The following XIRP2 variants were observed in gnomAD, a reference collection of about 807,000 sequenced individuals.
XIRP2 encodes the protein xin actin binding repeat containing 2.
XIRP2 carries 236 observed loss-of-function variants against 277.0 expected under a neutral mutation model. That is an observed-to-expected ratio of 0.85 (90% CI 0.77 to 0.95). XIRP2 has a LOEUF of 0.95. XIRP2 is among the 40% of genes least tolerant of loss of function. The probability of loss-of-function intolerance (pLI) is 0.00; values close to 1 mark genes in which losing one functional copy is unlikely to be tolerated. For missense variants in XIRP2, 4,640 were observed against 4,157.5 expected (o/e 1.12, Z -3.19); for synonymous variants, 1,490 against 1,416.5 (o/e 1.05, Z -1.17).
chr2:166,892,863 T>C (rs1055691712), intron 1 of XIRP2, among the ~76,000 whole-genome samples: 1 of 148,804 alleles, frequency 6.7e-6, no homozygotes, highest in Admixed American at 6.8e-5. Context: ...GTTTTATATA[T>C]ATATGTATGT....
intron 2 of XIRP2, among the ~76,000 whole-genome samples, chr2:167,037,518 G>GGTGTGTGT (rs59857626): frequency 3.9e-4 from 49 of 126,458 alleles, no homozygotes; most frequent in South Asian, 7.1e-4. Context: ...TCATGTGGGG[G>GGTGTGTGT]GTGTGTGTGT....
intron 3 of XIRP2, chr2:167,184,696 A>C (rs990986155): frequency 3.0e-5 from 21 of 703,486 alleles, no homozygotes; most frequent in African/African-American, 2.9e-4. Flanking sequence ...TGGTTTGGCT[A>C]TCTCTGATGC....
At chr2:167,000,672 C>T (rs1185046977) in intron 2 of XIRP2, among the ~76,000 whole-genome samples, 1 of 152,050 alleles carries the variant, frequency 6.6e-6, no homozygotes, top group Non-Finnish European at 1.5e-5. Flanking sequence ...ATTCCTGCAT[C>T]CACTCCTTGT....
intron 3 of XIRP2, among the ~76,000 whole-genome samples, chr2:167,172,342 G>A (rs994313661): frequency 3.9e-5 from 6 of 152,284 alleles, no homozygotes; most frequent in African/African-American, 1.4e-4. Context: ...CAGGACCGGG[G>A]CAAAATTAAA....
intron 5 of XIRP2, 134 bp from the exon 6 acceptor site, chr2:167,239,721 T>A (rs760389005): frequency 4.2e-6 from 3 of 720,714 alleles, no homozygotes; most frequent in Non-Finnish European, 6.9e-6. Flanking sequence ...GGTAATTTGT[T>A]ATAGCAGCCA....
In XIRP2 at chr2:167,038,943, C is replaced by G. The variant is rs184438634; in HGVS notation, c.409-96966C>G. ...AAAAAAATCTACTAATTTGTGTGAT[C>G]AAATTTCTATTCATAACTGACAAGC... On this transcript the variant is annotated intron_variant, in intron 2 of 10. Coordinates refer to ENST00000409195, the MANE Select transcript of XIRP2 (RefSeq NM_152381.6). Among the ~76,000 whole-genome samples the G allele has an allele frequency of 2.6e-5, 4 of 152,116 alleles. No homozygotes were observed. In the East Asian group the frequency reaches 5.8e-4, roughly 22 times the overall value.
intron 2 of XIRP2, among the ~76,000 whole-genome samples, chr2:166,925,782 G>A (rs1273188588): frequency 1.3e-5 from 2 of 151,308 alleles, no homozygotes; most frequent in Admixed American, 1.3e-4. Flanking sequence ...ATCCTTTTTT[G>A]GCAGAGTGTG....
rs534855387 is a variant in XIRP2, at chr2:167,210,837, G to C, written c.665G>C (p.Arg222Pro). 3 of 1,614,158 alleles carry C rather than the reference G, an allele frequency of 1.9e-6. No homozygotes were observed. Among genetic ancestry groups the C allele is most frequent in the African/African-American group, 1.3e-5 (1 of 75,050 alleles). Residue 222 changes from arginine (R) to proline (P), a missense_variant, in exon 4 of 11, where the codon CGG becomes CCG. By Grantham distance (103) the Arg-to-Pro change is moderately radical. Transcript: ENST00000409195. ...CACGAAGTGGTCTCCCTGAAGGAGC[G>C]GATGGCGAGGTACCAGGCAGCTGTT... ...DLHEVVSLKERMARYQAAVSR... is the reference protein window; with the variant it reads ...DLHEVVSLKEPMARYQAAVSR...
At chr2:167,142,424 T>C (rs1691746208) in intron 3 of XIRP2, among the ~76,000 whole-genome samples, 1 of 152,082 alleles carries the variant, frequency 6.6e-6, no homozygotes, top group Non-Finnish European at 1.5e-5. Context: ...GGCATGCACC[T>C]GTCGTCCCAG....
chr2:167,088,521 A>G (rs1027252617), intron 2 of XIRP2, among the ~76,000 whole-genome samples: 15 of 152,174 alleles, frequency 9.9e-5, no homozygotes, highest in African/African-American at 3.4e-4. Flanking sequence ...AAAAATGCCA[A>G]TATGAACATA....
In XIRP2 at chr2:167,076,959, T is replaced by A. The variant is rs554410284; in HGVS notation, c.409-58950T>A. Among the ~76,000 whole-genome samples, 5 of 152,198 alleles carry A rather than the reference T, an allele frequency of 3.3e-5. No homozygotes were observed. The East Asian group carries it at 9.7e-4, about 30-fold the overall frequency. ...GATTCTCCTGACTCAGCCACCCGAATACCTCAGGTTACAGGCACATGCCCC... is the reference window on the plus strand; with the variant it reads ...GATTCTCCTGACTCAGCCACCCGAAAACCTCAGGTTACAGGCACATGCCCC... On this transcript the variant is annotated intron_variant, in intron 2 of 10. Coordinates refer to ENST00000409195, the MANE Select transcript of XIRP2 (RefSeq NM_152381.6).
intron 2 of XIRP2, among the ~76,000 whole-genome samples, chr2:167,002,220 C>T (rs912502525): frequency 1.3e-5 from 2 of 151,920 alleles, no homozygotes; most frequent in Non-Finnish European, 2.9e-5. Flanking sequence ...CTAAAGCATC[C>T]GGATTGAAAT....
At position 167,136,080 on chromosome 2, in the gene XIRP2, A is replaced by G; in HGVS notation, c.562+18A>G. On this transcript the variant is annotated intron_variant, in intron 3 of 10. Coordinates refer to ENST00000409195, the MANE Select transcript of XIRP2 (RefSeq NM_152381.6). Reference sequence around the variant, plus strand: ...CTTTGAAGGTTAGCATAACATTTTGATATGCTTTCTTGACATCATACCTTG... The same window carrying G: ...CTTTGAAGGTTAGCATAACATTTTGGTATGCTTTCTTGACATCATACCTTG... The G allele has an allele frequency of 6.3e-7, 1 of 1,580,836 alleles. No individual in the cohort carries two copies. The highest frequency in any genetic ancestry group is 1.2e-5 in the South Asian group (1 of 85,380).
intron 2 of XIRP2, among the ~76,000 whole-genome samples, chr2:167,064,201 C>A (rs1689243071): frequency 6.6e-6 from 1 of 151,562 alleles, no homozygotes; most frequent in South Asian, 2.1e-4. Context: ...ATCAAACATA[C>A]CCATCACCTC....
At chr2:167,093,488 C>A (rs1430170830) in intron 2 of XIRP2, among the ~76,000 whole-genome samples, 1 of 152,018 alleles carries the variant, frequency 6.6e-6, no homozygotes, top group Non-Finnish European at 1.5e-5. Context: ...CCCCAACAGG[C>A]CCCAGTGTGT....
In XIRP2 at chr2:166,903,405, G is replaced by A. The variant is rs181163578; in HGVS notation, c.-18-60G>A. On this transcript the variant is annotated intron_variant, in intron 1 of 10. Coordinates refer to ENST00000409195, the MANE Select transcript of XIRP2 (RefSeq NM_152381.6). Reference sequence around the variant, plus strand: ...AGCTGGTGCTCCTAGAGTATTTTGAGTCTGAAAATGACTCAGACTCCTGAG... The same window carrying A: ...AGCTGGTGCTCCTAGAGTATTTTGAATCTGAAAATGACTCAGACTCCTGAG... The A allele has an allele frequency of 2.6e-4, 383 of 1,501,912 alleles. 3 individuals carry two copies. In the African/African-American group the frequency reaches 4.7e-3, roughly 18 times the overall value. 93.0% of individuals were successfully genotyped at this position (1,501,912 alleles called of 1,614,324 possible). A position where few individuals can be genotyped will look rare whatever the true frequency, so the allele number is the denominator to read the frequency against.
intron 2 of XIRP2, among the ~76,000 whole-genome samples, chr2:166,937,700 AT>A (rs1558922694): frequency 6.6e-6 from 1 of 152,178 alleles, no homozygotes. Context: ...CTCTGGTAGA[AT>A]TTGGCTGTGA....
chr2:167,073,667 A>G (rs1010065136), intron 2 of XIRP2, among the ~76,000 whole-genome samples: 5 of 152,194 alleles, frequency 3.3e-5, no homozygotes, highest in Non-Finnish European at 7.4e-5. Context: ...GAACAAATAG[A>G]TAAATTAAAT....
intron 3 of XIRP2, among the ~76,000 whole-genome samples, chr2:167,138,759 A>G (rs1691628441): frequency 6.6e-6 from 1 of 152,188 alleles, no homozygotes; most frequent in Admixed American, 6.5e-5. Flanking sequence ...ATTGTATTAT[A>G]CTAATATAAA....
Sources: gnomAD v4.1 joint callset for allele counts (sites outside exome capture counted in the v4.1 genomes callset) on GRCh38, gnomAD v4.1.1 for gene constraint, MANE v1.5 for transcripts, NCBI Gene and HGNC (gene_info 2026-07-23, HGNC 2026-07-21) for gene names.